CCDC178: variants seen among roughly 807,000 people sequenced by gnomAD.
The protein encoded by CCDC178 is coiled-coil domain containing 178, also known as coiled-coil domain-containing protein 178.
Under a neutral mutation model 117.4 loss-of-function variants are expected in CCDC178, and 126 were observed. That is an observed-to-expected ratio of 1.07 (90% CI 0.93 to 1.24). The LOEUF (loss-of-function observed/expected upper bound fraction) is 1.24, where lower values mean the gene tolerates loss of function less well. Among genes scored for constraint, CCDC178 ranks in the 50% most tolerant of loss-of-function variants. CCDC178 has a pLI of 0.00. For synonymous variants in CCDC178, 283 were observed against 313.4 expected, an observed-to-expected ratio of 0.90 and a Z score of 1.02; for missense variants, 1,030 against 986.9, an observed-to-expected ratio of 1.04 and a Z score of -0.59.
At chr18:33,318,156 G>A (rs1382568422) in intron 11 of CCDC178, among the ~76,000 whole-genome samples, 1 of 152,176 alleles carries the variant, frequency 6.6e-6, no homozygotes, top group East Asian at 1.9e-4. Context: ...CCCTTCACTA[G>A]TGGAGAAGTT....
At chr18:33,163,219 C>T (rs901728808) in intron 20 of CCDC178, among the ~76,000 whole-genome samples, 3 of 151,896 alleles carry the variant, frequency 2.0e-5, no homozygotes, top group Non-Finnish European at 2.9e-5. Context: ...GCTTTTTGGC[C>T]ACATGCATAT....
chr18:33,131,548 T>C (rs761698941), intron 20 of CCDC178, among the ~76,000 whole-genome samples: 15 of 151,832 alleles, frequency 9.9e-5, no homozygotes, highest in Non-Finnish European at 1.5e-4. Flanking sequence ...ATTATGAATA[T>C]AATGGTTTCT....
At chr18:33,392,528 C>T (rs558121976) in intron 4 of CCDC178, among the ~76,000 whole-genome samples, 3 of 152,036 alleles carry the variant, frequency 2.0e-5, no homozygotes, top group Admixed American at 2.0e-4. Context: ...GTGGTATGTC[C>T]AGAGTATTAA....
At position 32,952,985 on chromosome 18, in the gene CCDC178, G is replaced by T. The variant is rs145954452; in HGVS notation, c.2524-14894C>A. ...GATGGGGTTTCACCATGTTAGCCAG[G>T]ATGGTCTAGATCTCCTGACCTCATG... On this transcript the variant is annotated intron_variant, in intron 22 of 22. Coordinates refer to ENST00000383096, the MANE Select transcript of CCDC178 (RefSeq NM_001105528.4). 9.7e-3 allele frequency among the ~76,000 whole-genome samples: 1,478 copies of T among 152,026 alleles called. 8 individuals are homozygous for T. The highest frequency in any genetic ancestry group is 0.016 in the Non-Finnish European group (1,119 of 67,934).
chr18:33,204,886 A>G (rs2144567951), intron 20 of CCDC178, among the ~76,000 whole-genome samples: 1 of 152,274 alleles, frequency 6.6e-6, no homozygotes, highest in Middle Eastern at 3.4e-3. Context: ...AAAAACAATA[A>G]CAGCATGTTA....
intron 22 of CCDC178, among the ~76,000 whole-genome samples, chr18:32,967,442 A>G (rs1361422256): frequency 6.6e-6 from 1 of 151,210 alleles, no homozygotes; most frequent in Admixed American, 6.6e-5. Context: ...GAGTTTTCTA[A>G]TTCTTTATTT....
chr18:33,097,175 A>G (rs1398901828), intron 20 of CCDC178, among the ~76,000 whole-genome samples: 1 of 152,086 alleles, frequency 6.6e-6, no homozygotes, highest in Non-Finnish European at 1.5e-5. Context: ...GCTGGCTTAT[A>G]TAATAGAAAG....
At chr18:33,051,497 T>C (rs1424414108) in intron 21 of CCDC178, among the ~76,000 whole-genome samples, 1 of 152,240 alleles carries the variant, frequency 6.6e-6, no homozygotes, top group Non-Finnish European at 1.5e-5. Flanking sequence ...ATTTATGTGA[T>C]GCTCACCCTT....
chr18:33,326,042 A>C (rs1233735076), intron 10 of CCDC178, among the ~76,000 whole-genome samples: 1 of 152,198 alleles, frequency 6.6e-6, no homozygotes, highest in Non-Finnish European at 1.5e-5. Flanking sequence ...GGAAGACACA[A>C]CGCAGTGAAA....
chr18:32,958,088 A>G, intron 22 of CCDC178: 1 of 371,946 alleles, frequency 2.7e-6, no homozygotes, highest in Non-Finnish European at 5.0e-6. Context: ...TTGGCAAATG[A>G]TGGGCTAAAT....
At chr18:33,115,701 A>G (rs2057848209) in intron 20 of CCDC178, among the ~76,000 whole-genome samples, 1 of 151,994 alleles carries the variant, frequency 6.6e-6, no homozygotes, top group Non-Finnish European at 1.5e-5. Context: ...TCCATTGCTG[A>G]TAGTCACTAT....
chr18:33,371,782 TATACACACACACAC>T (rs2063304358), intron 5 of CCDC178, among the ~76,000 whole-genome samples: 1 of 53,564 alleles, frequency 1.9e-5, no homozygotes, highest in African/African-American at 5.1e-5. Flanking sequence ...CATAAACATA[TATACACACACACAC>T]ACACACACAC....
intron 12 of CCDC178, among the ~76,000 whole-genome samples, chr18:33,277,461 A>G (rs2059965048): frequency 6.6e-6 from 1 of 152,168 alleles, no homozygotes; most frequent in Admixed American, 6.6e-5. Flanking sequence ...CATCTTATTG[A>G]CTTAAAATAA....
At chr18:33,404,653 T>C (rs1173074817) in intron 3 of CCDC178, among the ~76,000 whole-genome samples, 1 of 152,106 alleles carries the variant, frequency 6.6e-6, no homozygotes, top group Non-Finnish European at 1.5e-5. Flanking sequence ...TAAAAACTTG[T>C]ATTCAAATAT....
At chr18:33,051,707 T>C (rs2056750824) in intron 21 of CCDC178, among the ~76,000 whole-genome samples, 1 of 152,188 alleles carries the variant, frequency 6.6e-6, no homozygotes, top group African/African-American at 2.4e-5. Context: ...CCAGAAAGAT[T>C]TTTGCTCAGT....
chr18:33,032,040 G>A (rs1374739877), intron 21 of CCDC178, among the ~76,000 whole-genome samples: 4 of 151,984 alleles, frequency 2.6e-5, no homozygotes, highest in African/African-American at 4.8e-5. Flanking sequence ...TCACAAACAG[G>A]CAAAAATAAC....
At chr18:33,342,497 A>AT (rs1258376023) in intron 9 of CCDC178, among the ~76,000 whole-genome samples, 4 of 152,198 alleles carry the variant, frequency 2.6e-5, no homozygotes, top group African/African-American at 4.8e-5. Context: ...CTCAACTGGA[A>AT]TTGTATCTCC....
At chr18:33,049,126 G>A (rs1391144590) in intron 21 of CCDC178, among the ~76,000 whole-genome samples, 1 of 152,090 alleles carries the variant, frequency 6.6e-6, no homozygotes, top group African/African-American at 2.4e-5. Context: ...ATAACTACAT[G>A]TAAAGTTTAT....
At chr18:33,322,389 G>C (rs910493477) in intron 11 of CCDC178, among the ~76,000 whole-genome samples, 1 of 151,742 alleles carries the variant, frequency 6.6e-6, no homozygotes, top group African/African-American at 2.4e-5. Context: ...TAGTAAACTT[G>C]ATCTAATGAA....
Sources: allele counts gnomAD v4.1 joint callset (sites outside exome capture counted in the v4.1 genomes callset), GRCh38; gene constraint gnomAD v4.1.1; transcripts MANE v1.5; gene names NCBI Gene and HGNC (gene_info 2026-07-23, HGNC 2026-07-21).